The following TDRD5 variants were observed in gnomAD, a reference collection of about 807,000 sequenced individuals.
TDRD5 encodes tudor domain-containing protein 5.
A neutral mutation model predicts 120.6 loss-of-function variants in TDRD5; 41 were observed. That is an observed-to-expected ratio of 0.34 (90% CI 0.26 to 0.44). The LOEUF is 0.44. Among genes scored for constraint, TDRD5 ranks in the 20% least tolerant of loss-of-function variants. TDRD5 has a pLI of 1.00. For missense variants in TDRD5, 1,006 were observed against 1,221.2 expected (o/e 0.82, Z 2.63); for synonymous variants, 430 against 433.7 (o/e 0.99, Z 0.11).
At chr1:179,669,501 C>T in intron 17 of TDRD5, 97 bp downstream of exon 17, 1 of 1,300,154 alleles carries the variant, frequency 7.7e-7, no homozygotes, top group Non-Finnish European at 1.1e-6. Context: ...GCAAAATATA[C>T]CTTGAAACAT....
intron 17 of TDRD5, among the ~76,000 whole-genome samples, chr1:179,689,395 C>A (rs1243492455): frequency 6.6e-6 from 1 of 152,186 alleles, no homozygotes; most frequent in African/African-American, 2.4e-5. Context: ...AATGTTGCTG[C>A]CTGATCCTTC....
At chr1:179,627,373 G>A (rs569017016) in intron 6 of TDRD5, among the ~76,000 whole-genome samples, 9 of 152,278 alleles carry the variant, frequency 5.9e-5, no homozygotes, top group East Asian at 1.9e-4. Context: ...ATAGTGTTTC[G>A]TGGCAATGTA....
At chr1:179,609,813 ACTTGCG>A (rs1676186292) in intron 4 of TDRD5, among the ~76,000 whole-genome samples, 1 of 152,066 alleles carries the variant, frequency 6.6e-6, no homozygotes, top group South Asian at 2.1e-4. Context: ...ACTTCTCTCC[ACTTGCG>A]CAAATCAGTA....
At chr1:179,597,418 G>A (rs1675459754) in intron 4 of TDRD5, among the ~76,000 whole-genome samples, 2 of 142,800 alleles carry the variant, frequency 1.4e-5, no homozygotes, top group African/African-American at 2.6e-5. Context: ...TGCAACTTCC[G>A]TCTCCCGGGC....
chr1:179,640,865 A>G (rs1678006191), intron 11 of TDRD5, among the ~76,000 whole-genome samples: 1 of 152,218 alleles, frequency 6.6e-6, no homozygotes, highest in African/African-American at 2.4e-5. Flanking sequence ...ATGGTAGAAA[A>G]TGTCAAAGAA....
At chr1:179,662,377 G>A in intron 15 of TDRD5, 91 bp downstream of exon 15, 1 of 1,379,054 alleles carries the variant, frequency 7.3e-7, no homozygotes, top group Non-Finnish European at 9.7e-7. Context: ...AAGGTGGGTG[G>A]ATCAGTTGAG....
intron 17 of TDRD5, among the ~76,000 whole-genome samples, chr1:179,681,178 A>G (rs1204503850): frequency 6.6e-6 from 1 of 152,236 alleles, no homozygotes; most frequent in East Asian, 1.9e-4. Context: ...CCTGGGTTCA[A>G]GTGATCTTCC....
chr1:179,618,761 A>G, intron 5 of TDRD5, 79 bp downstream of exon 5: 1 of 1,048,972 alleles, frequency 9.5e-7, no homozygotes, highest in Non-Finnish European at 1.3e-6. Context: ...GTTTGTCTGC[A>G]AGTATTAATT....
intron 6 of TDRD5, among the ~76,000 whole-genome samples, chr1:179,621,939 C>T (rs1457987912): frequency 6.6e-6 from 1 of 152,180 alleles, no homozygotes; most frequent in Non-Finnish European, 1.5e-5. Flanking sequence ...AGAATCCTAA[C>T]TCTTAACTAC....
At chr1:179,616,954 C>T (rs1458291530) in intron 4 of TDRD5, among the ~76,000 whole-genome samples, 1 of 152,132 alleles carries the variant, frequency 6.6e-6, no homozygotes. Context: ...GTTATTGAAT[C>T]TGCAAATGGG....
intron 17 of TDRD5, among the ~76,000 whole-genome samples, chr1:179,681,763 C>T (rs903250916): frequency 6.7e-6 from 1 of 148,950 alleles, no homozygotes; most frequent in Non-Finnish European, 1.5e-5. Flanking sequence ...CCCTTCGCCC[C>T]GTTTTCTTGT....
intron 6 of TDRD5, among the ~76,000 whole-genome samples, chr1:179,626,775 A>G (rs938706378): frequency 5.9e-5 from 9 of 152,188 alleles, no homozygotes; most frequent in African/African-American, 1.7e-4. Context: ...GAAAAAAAGG[A>G]AAGATAAAGA....
chr1:179,618,132 C>T lies in TDRD5; in HGVS notation c.832-467C>T, dbSNP rs568597362. Among the ~76,000 whole-genome samples, 336 of 152,262 alleles carry T rather than the reference C, an allele frequency of 2.2e-3. 1 individual carries two copies. Among genetic ancestry groups the T allele is most frequent in the African/African-American group, 7.8e-3 (323 of 41,564 alleles). ...CTTTGTACCCTTACCTTTTCCCCCACTCTCTTTGCTTCTATTACAACAGAA... is the reference window on the plus strand; with the variant it reads ...CTTTGTACCCTTACCTTTTCCCCCATTCTCTTTGCTTCTATTACAACAGAA... On this transcript the variant is annotated intron_variant, in intron 4 of 17. Transcript: ENST00000444136.
At chr1:179,636,466 G>A (rs2102016545) in intron 9 of TDRD5, among the ~76,000 whole-genome samples, 1 of 152,300 alleles carries the variant, frequency 6.6e-6, no homozygotes, top group African/African-American at 2.4e-5. Context: ...TGGCCCTGGT[G>A]CAAAATTAAA....
In TDRD5 at chr1:179,643,626, G is replaced by A. The variant is rs1373646474; in HGVS notation, c.1800+3181G>A. ...GAGGAGTCTATGAACTTTAAAAACAGATCAAAAGAATTATCCAATGTGAAG... is the reference window on the plus strand; with the variant it reads ...GAGGAGTCTATGAACTTTAAAAACAAATCAAAAGAATTATCCAATGTGAAG... On this transcript the variant is annotated intron_variant, in intron 11 of 17. Coordinates refer to ENST00000444136, the MANE Select transcript of TDRD5 (RefSeq NM_001199085.3). Among the ~76,000 whole-genome samples the A allele has an allele frequency of 2.6e-4, 5 of 19,436 alleles. No individual in the cohort carries two copies. In the Non-Finnish European group the frequency reaches 4.4e-3, roughly 17 times the overall value. 12.8% of individuals were successfully genotyped at this position (19,436 alleles called of 152,430 possible).
chr1:179,646,488 G>C (rs1487361690), intron 11 of TDRD5, among the ~76,000 whole-genome samples: 8 of 151,242 alleles, frequency 5.3e-5, no homozygotes, highest in African/African-American at 1.9e-4. Context: ...CAAACCCACA[G>C]CCAATATCAT....
At chr1:179,688,928 T>TGG (rs1680926746) in intron 17 of TDRD5, among the ~76,000 whole-genome samples, 1 of 152,218 alleles carries the variant, frequency 6.6e-6, no homozygotes, top group Non-Finnish European at 1.5e-5. Flanking sequence ...TGATGTTTAT[T>TGG]CTAGTTAGCC....
At chr1:179,605,245 C>CT (rs1175982237) in intron 4 of TDRD5, among the ~76,000 whole-genome samples, 4 of 152,118 alleles carry the variant, frequency 2.6e-5, no homozygotes, top group African/African-American at 9.7e-5. Context: ...CACCCCTTTA[C>CT]TTTAAGTTAT....
intron 6 of TDRD5, among the ~76,000 whole-genome samples, chr1:179,628,324 C>CTTTTTTTTTTTTTTTTTTTTTTT (rs71569258): frequency 1.8e-5 from 1 of 54,632 alleles, no homozygotes; most frequent in Non-Finnish European, 3.4e-5. Flanking sequence ...CTTTTCTTTT[C>CTTTTTTTTTTTTTTTTTTTTTTT]TTTTTTTTTT....
Sources: gnomAD v4.1 joint callset for allele counts (sites outside exome capture counted in the v4.1 genomes callset) on GRCh38, gnomAD v4.1.1 for gene constraint, MANE v1.5 for transcripts, NCBI Gene and HGNC (gene_info 2026-07-23, HGNC 2026-07-21) for gene names.